PCDHA4: variants seen among roughly 807,000 people sequenced by gnomAD.
PCDHA4 encodes protocadherin alpha-4.
A neutral mutation model predicts 61.4 loss-of-function variants in PCDHA4; 49 were observed. The observed-to-expected ratio is 0.80, with a 90% CI of 0.63 to 1.01. The LOEUF (loss-of-function observed/expected upper bound fraction) is 1.01, where lower values mean the gene tolerates loss of function less well. Among genes scored for constraint, PCDHA4 ranks in the 50% least tolerant of loss-of-function variants. The pLI is 0.00. For missense variants in PCDHA4, 1,254 were observed against 1,235.8 expected, an observed-to-expected ratio of 1.01 and a Z score of -0.22; for synonymous variants, 590 against 550.3, an observed-to-expected ratio of 1.07 and a Z score of -1.01.
chr5:140,973,803 G>C (rs1232498397), intron 1 of PCDHA4, among the ~76,000 whole-genome samples: 2 of 152,214 alleles, frequency 1.3e-5, no homozygotes, highest in African/African-American at 2.4e-5. Flanking sequence ...CTGTCTACTT[G>C]ACAGAATAGC....
At chr5:140,884,483 C>T (rs376374275) in intron 1 of PCDHA4, 3 of 1,613,862 alleles carry the variant, frequency 1.9e-6, no homozygotes, top group East Asian at 4.5e-5. Flanking sequence ...CAAGCCCACT[C>T]TAGTGTGCTC....
intron 1 of PCDHA4, chr5:140,841,306 G>A (rs2150313155): frequency 3.8e-6 from 6 of 1,579,894 alleles, no homozygotes; most frequent in South Asian, 3.5e-5. Context: ...TTTCTGATAG[G>A]AAACGACTAT....
intron 1 of PCDHA4, among the ~76,000 whole-genome samples, chr5:140,941,221 TTC>T (rs1217645089): frequency 7.6e-6 from 1 of 131,640 alleles, no homozygotes; most frequent in African/African-American, 3.0e-5. Flanking sequence ...CTTCCTTTCT[TTC>T]TTTCTTTCTT....
intron 1 of PCDHA4, chr5:140,884,170 G>A (rs1333457358): frequency 1.4e-5 from 23 of 1,613,294 alleles, no homozygotes; most frequent in Non-Finnish European, 1.9e-5. Flanking sequence ...TCAGCACGAC[G>A]CGCCCTCTGG....
At chr5:140,905,622 T>G (rs962403940) in intron 1 of PCDHA4, among the ~76,000 whole-genome samples, 3 of 152,236 alleles carry the variant, frequency 2.0e-5, no homozygotes, top group Non-Finnish European at 4.4e-5. Context: ...AGATTGCTTT[T>G]GACAGTATGG....
Position 140,850,161 on chromosome 5 carries a change from C to T in PCDHA4, c.2385+40589C>T, listed in dbSNP as rs2150470387. On this transcript the variant is annotated intron_variant, in intron 1 of 3. Coordinates refer to ENST00000530339, the MANE Select transcript of PCDHA4 (RefSeq NM_018907.4). ...CAACGTGACGCTGCAGGTGTTCGTG[C>T]TGGACGAGAACGACAATGCGCCGGC... 20 of 1,594,886 alleles carry T rather than the reference C, an allele frequency of 1.3e-5. 1 individual carries two copies. Among genetic ancestry groups the T allele is most frequent in the Non-Finnish European group, 1.7e-5 (20 of 1,167,810 alleles).
chr5:140,931,659 G>A (rs1554208521), intron 1 of PCDHA4, among the ~76,000 whole-genome samples: 1 of 151,694 alleles, frequency 6.6e-6, no homozygotes, highest in Non-Finnish European at 1.5e-5. Flanking sequence ...GTTGTGGGCT[G>A]GATATTTCCT....
intron 1 of PCDHA4, among the ~76,000 whole-genome samples, chr5:140,951,356 C>T (rs1362153667): frequency 6.6e-6 from 1 of 151,998 alleles, no homozygotes; most frequent in African/African-American, 2.4e-5. Flanking sequence ...CATTATTGCA[C>T]TGTTATAAAG....
intron 1 of PCDHA4, among the ~76,000 whole-genome samples, chr5:140,878,864 A>G (rs1465235970): frequency 1.3e-5 from 2 of 152,152 alleles, no homozygotes; most frequent in Non-Finnish European, 2.9e-5. Flanking sequence ...CTGATCCTCC[A>G]TTTCAGCCTT....
intron 3 of PCDHA4, among the ~76,000 whole-genome samples, chr5:141,001,711 A>G (rs1167965864): frequency 1.3e-5 from 2 of 152,222 alleles, no homozygotes; most frequent in South Asian, 2.1e-4. Context: ...GGGGGCGGGG[A>G]AGGAGCTTGA....
intron 1 of PCDHA4, among the ~76,000 whole-genome samples, chr5:140,894,577 T>A (rs1409232453): frequency 4.6e-5 from 7 of 152,030 alleles, no homozygotes; most frequent in African/African-American, 9.6e-5. Flanking sequence ...TCCTTTTTTT[T>A]AATATTTTAC....
At position 140,945,888 on chromosome 5, in the gene PCDHA4, C is replaced by T. The variant is rs117232601; in HGVS notation, c.2386-33061C>T. Among the ~76,000 whole-genome samples, 21 of 152,006 alleles carry T rather than the reference C, an allele frequency of 1.4e-4. No homozygotes were observed. The East Asian group carries it at 2.9e-3, about 21-fold the overall frequency. On this transcript the variant is annotated intron_variant, in intron 1 of 3. Transcript: ENST00000530339. Reference sequence around the variant, plus strand: ...GAAATTGTAAAACTAACAAAGAAAACACAGTGGGAAAGATGAAAGATCAAT... The same window carrying T: ...GAAATTGTAAAACTAACAAAGAAAATACAGTGGGAAAGATGAAAGATCAAT...
rs144585858 is a variant in PCDHA4 at position 140,984,129 on chromosome 5, G to A, written c.2533+1566G>A. On this transcript the variant is annotated intron_variant, in intron 3 of 3. Transcript: ENST00000530339. The stretch of plus-strand genomic sequence containing the variant: ...GGTTTTAGACTGCCAAGTGTTGCAG[G>A]ATGTGGAGGCATCTGGGAAGGTGAG... 1.3e-3 allele frequency among the ~76,000 whole-genome samples: 205 copies of A among 152,236 alleles called. 1 individual carries two copies. Among genetic ancestry groups the A allele is most frequent in the Non-Finnish European group, 2.6e-3 (175 of 68,046 alleles).
chr5:140,843,756 G>T, intron 1 of PCDHA4: 5 of 1,503,398 alleles, frequency 3.3e-6, no homozygotes, highest in Admixed American at 1.9e-5. Flanking sequence ...TTCTATTTGT[G>T]GAAATTGTAG....
intron 1 of PCDHA4, among the ~76,000 whole-genome samples, chr5:140,932,398 T>C (rs1163806647): frequency 6.6e-6 from 1 of 151,960 alleles, no homozygotes; most frequent in Non-Finnish European, 1.5e-5. Flanking sequence ...AGTTTCAACA[T>C]ACCAATGTTA....
chr5:140,829,791 C>G, intron 1 of PCDHA4: 1 of 1,613,788 alleles, frequency 6.2e-7, no homozygotes, highest in Non-Finnish European at 8.5e-7. Context: ...GCGCTGCTGG[C>G]GCCTCGGGTG....
chr5:141,006,769 A>G (rs575481848), intron 3 of PCDHA4, among the ~76,000 whole-genome samples: 1 of 152,208 alleles, frequency 6.6e-6, no homozygotes, highest in Non-Finnish European at 1.5e-5. Flanking sequence ...AGAATAGAAT[A>G]GAGAAAAATG....
intron 1 of PCDHA4, chr5:140,968,844 G>A: frequency 1.2e-6 from 2 of 1,614,210 alleles, no homozygotes; most frequent in African/African-American, 1.3e-5. Context: ...GACACTCAGA[G>A]GCATGTTAAG....
In PCDHA4 at chr5:140,856,541, G is replaced by A. The variant is rs1554148841; in HGVS notation, c.2385+46969G>A. The A allele has an allele frequency of 2.5e-6, 4 of 1,598,164 alleles. 1 individual carries two copies. The highest frequency in any genetic ancestry group is 3.4e-6 in the Non-Finnish European group (4 of 1,167,670). On this transcript the variant is annotated intron_variant, in intron 1 of 3. Transcript: ENST00000530339. ...ATCTGATGCGGATGTTGGAGAGAACGCATTGCTTACTTACAAACTCAGTCC... is the reference window on the plus strand; with the variant it reads ...ATCTGATGCGGATGTTGGAGAGAACACATTGCTTACTTACAAACTCAGTCC...
Sources: allele counts gnomAD v4.1 joint callset (sites outside exome capture counted in the v4.1 genomes callset), GRCh38; gene constraint gnomAD v4.1.1; transcripts MANE v1.5; gene names NCBI Gene and HGNC (gene_info 2026-07-23, HGNC 2026-07-21).